The following DMD variants were observed in gnomAD, a reference collection of about 807,000 sequenced individuals.
DMD encodes mutant dystrophin.
DMD carries 63 observed loss-of-function variants against 330.1 expected under a neutral mutation model. That is an observed-to-expected ratio of 0.19 (90% CI 0.16 to 0.24). The LOEUF is 0.24. Among genes scored for constraint, DMD ranks in the 10% least tolerant of loss-of-function variants. The probability of loss-of-function intolerance (pLI) is 1.00; values close to 1 mark genes in which losing one functional copy is unlikely to be tolerated. For synonymous variants in DMD, 1,223 were observed against 959.8 expected, an observed-to-expected ratio of 1.27 and a Z score of -5.07; for missense variants, 3,344 against 2,684.1, an observed-to-expected ratio of 1.25 and a Z score of -5.43.
chrX:32,975,346 CT>C (rs35180404), intron 2 of DMD, among the ~76,000 whole-genome samples: 2,936 of 64,537 alleles, frequency 0.045, 35 homozygotes, highest in African/African-American at 0.13. Flanking sequence ...TTAAAAAATG[CT>C]TTTTTTTTTT....
intron 45 of DMD, 40 bp from the exon 46 acceptor site, chrX:31,932,267 C>A: frequency 9.3e-7 from 1 of 1,077,729 alleles, no homozygotes; most frequent in East Asian, 3.0e-5. Context: ...TTTTTTCCAA[C>A]ATAGTTCTCA....
At chrX:31,367,080 T>A (rs1461005406) in intron 60 of DMD, among the ~76,000 whole-genome samples, 4 of 111,431 alleles carry the variant, frequency 3.6e-5, no homozygotes, top group Non-Finnish European at 7.5e-5. Flanking sequence ...AAGGATGGAA[T>A]CTTATCATTT....
chrX:32,843,786 A>G (rs764635104), intron 4 of DMD, among the ~76,000 whole-genome samples: 6 of 111,689 alleles, frequency 5.4e-5, no homozygotes, highest in Non-Finnish European at 1.1e-4. Context: ...GCTGCCTCCA[A>G]TGCCATGACA....
At chrX:31,585,523 A>G (rs1248757766) in intron 55 of DMD, among the ~76,000 whole-genome samples, 2 of 95,427 alleles carry the variant, frequency 2.1e-5, no homozygotes, top group African/African-American at 7.9e-5. Flanking sequence ...CTCCCTACTC[A>G]TTCCCACTCC....
At chrX:32,448,385 C>G in intron 27 of DMD, 71 bp downstream of exon 27, 5 of 1,142,352 alleles carry the variant, frequency 4.4e-6, no homozygotes, top group Non-Finnish European at 6.0e-6. Context: ...TATCCATGTT[C>G]TTAACCACTA....
At chrX:31,394,559 C>T (rs1030099705) in intron 60 of DMD, among the ~76,000 whole-genome samples, 1 of 111,235 alleles carries the variant, frequency 9.0e-6, no homozygotes, top group African/African-American at 3.3e-5. Context: ...TTTGGGAGGT[C>T]GAGGTGGGTG....
At chrX:32,798,649 A>G (rs1423490230) in intron 7 of DMD, among the ~76,000 whole-genome samples, 1 of 111,881 alleles carries the variant, frequency 8.9e-6, no homozygotes, top group African/African-American at 3.2e-5. Context: ...TATATTTTCA[A>G]CTGCAGAGTT....
intron 1 of DMD, among the ~76,000 whole-genome samples, chrX:33,300,518 T>C (rs1297061188): frequency 8.9e-6 from 1 of 111,955 alleles, no homozygotes; most frequent in Non-Finnish European, 1.9e-5. Flanking sequence ...CTGTGATTGT[T>C]TGTGTCTTCT....
At chrX:32,663,088 A>C (rs2061054832) in intron 9 of DMD, among the ~76,000 whole-genome samples, 1 of 111,836 alleles carries the variant, frequency 8.9e-6, no homozygotes. Context: ...AAAACTGAAA[A>C]CCAAATTTGC....
At position 33,050,369 on chromosome X, in the gene DMD, A is replaced by G. The variant is rs770189361; in HGVS notation, c.32-30169T>C. ...GCCCCAGAATGTAGAAATGGAATAAACATGTGGTAGTGGTGAGGGTGGGCT... is the reference window on the plus strand; with the variant it reads ...GCCCCAGAATGTAGAAATGGAATAAGCATGTGGTAGTGGTGAGGGTGGGCT... On this transcript the variant is annotated intron_variant, in intron 1 of 78. Coordinates refer to ENST00000357033, the MANE Select transcript of DMD (RefSeq NM_004006.3). Among the ~76,000 whole-genome samples the G allele has an allele frequency of 4.5e-5, 5 of 112,220 alleles. No homozygotes were observed. The South Asian group carries it at 1.8e-3, about 41-fold the overall frequency.
At chrX:31,837,890 A>C (rs1168173730) in intron 48 of DMD, among the ~76,000 whole-genome samples, 1 of 112,314 alleles carries the variant, frequency 8.9e-6, no homozygotes, top group Non-Finnish European at 1.9e-5. Context: ...TCCAGTTCTT[A>C]TTATAATAAA....
In DMD at chrX:32,511,132, A is replaced by G. The variant is rs183104377; in HGVS notation, c.2292+6876T>C. On this transcript the variant is annotated intron_variant, in intron 18 of 78. Coordinates refer to ENST00000357033, the MANE Select transcript of DMD (RefSeq NM_004006.3). Reference sequence around the variant, plus strand: ...CATCTTCAATGAAATTTGGACTAATATTACCATATTAGTCCAAATTCCAGT... The same window carrying G: ...CATCTTCAATGAAATTTGGACTAATGTTACCATATTAGTCCAAATTCCAGT... Among the ~76,000 whole-genome samples, 148 of 110,283 alleles carry G rather than the reference A, an allele frequency of 1.3e-3. 1 individual carries two copies. The highest frequency in any genetic ancestry group is 4.5e-3 in the African/African-American group (135 of 30,332).
chrX:32,788,746 T>C (rs1262591183), intron 7 of DMD, among the ~76,000 whole-genome samples: 1 of 112,078 alleles, frequency 8.9e-6, no homozygotes, highest in Non-Finnish European at 1.9e-5. Flanking sequence ...AATTAAGCCA[T>C]TTGCTTATTT....
intron 2 of DMD, among the ~76,000 whole-genome samples, chrX:32,865,401 A>T (rs143169575): frequency 0.012 from 1,284 of 111,642 alleles, 24 homozygotes; most frequent in African/African-American, 0.04. Flanking sequence ...AAATCCCTGA[A>T]TAGAATATAC....
intron 55 of DMD, among the ~76,000 whole-genome samples, chrX:31,567,591 C>G (rs1197845692): frequency 9.0e-6 from 1 of 111,400 alleles, no homozygotes; most frequent in Non-Finnish European, 1.9e-5. Flanking sequence ...TTTTTTTAAA[C>G]TTTGACGCAT....
intron 44 of DMD, among the ~76,000 whole-genome samples, chrX:31,975,731 A>G (rs2150227637): frequency 8.9e-6 from 1 of 112,161 alleles, no homozygotes; most frequent in African/African-American, 3.2e-5. Context: ...TAAAATTTCT[A>G]ATTTCTCTTC....
intron 55 of DMD, among the ~76,000 whole-genome samples, chrX:31,511,719 A>C (rs1350366116): frequency 1.8e-5 from 2 of 108,333 alleles, no homozygotes; most frequent in African/African-American, 6.8e-5. Flanking sequence ...ACATTTTCTT[A>C]ATCCAGTCTA....
At chrX:31,511,357 A>G (rs1243808352) in intron 55 of DMD, among the ~76,000 whole-genome samples, 3 of 99,984 alleles carry the variant, frequency 3.0e-5, no homozygotes, top group East Asian at 3.1e-4. Flanking sequence ...TATACTTTAA[A>G]TTTTAGGGTA....
At chrX:32,372,125 T>C (rs1208086230) in intron 34 of DMD, among the ~76,000 whole-genome samples, 1 of 111,457 alleles carries the variant, frequency 9.0e-6, no homozygotes, top group Non-Finnish European at 1.9e-5. Flanking sequence ...TTTGATCAGG[T>C]GATTATTTAT....
Sources: allele counts gnomAD v4.1 joint callset (sites outside exome capture counted in the v4.1 genomes callset), GRCh38; gene constraint gnomAD v4.1.1; transcripts MANE v1.5; gene names NCBI Gene and HGNC (gene_info 2026-07-23, HGNC 2026-07-21).